Variants in FCAR observed in about 807,000 individuals in gnomAD.
FCAR encodes the protein immunoglobulin alpha Fc receptor.
Under a neutral mutation model 27.1 loss-of-function variants are expected in FCAR, and 21 were observed. The ratio of observed to expected loss-of-function variants is 0.77; its 90% CI spans 0.55 to 1.11. The LOEUF (loss-of-function observed/expected upper bound fraction) is 1.11. FCAR is among the 50% of genes most tolerant of loss of function. The pLI, the probability that FCAR is intolerant of heterozygous loss-of-function variation, is 0.00. For missense variants in FCAR, 404 were observed against 358.4 expected (o/e 1.13, Z -1.03); for synonymous variants, 134 against 135.8 (o/e 0.99, Z 0.09).
chr19:54,876,414 A>G (rs921655430), intron 2 of FCAR, among the ~76,000 whole-genome samples: 4 of 152,240 alleles, frequency 2.6e-5, no homozygotes, highest in African/African-American at 9.6e-5. Flanking sequence ...CCAGTTTTCA[A>G]GGGGAATACT....
chr19:54,874,289 G>A lies in FCAR; in HGVS notation c.-1G>A, dbSNP rs374627353. ...AACGGGGCTGAGGCCGTGTCAGCAC[G>A]ATGGACCCCAAACAGACCACCCTCC... On this transcript the variant is annotated 5_prime_UTR_variant, in exon 1 of 5. Transcript: ENST00000355524. The A allele has an allele frequency of 5.6e-6, 9 of 1,614,148 alleles. No homozygotes were observed. Among genetic ancestry groups the A allele is most frequent in the East Asian group, 4.5e-5 (2 of 44,872 alleles).
intron 2 of FCAR, among the ~76,000 whole-genome samples, chr19:54,883,347 T>C (rs1445234272): frequency 6.6e-6 from 1 of 152,112 alleles, no homozygotes; most frequent in Non-Finnish European, 1.5e-5. Flanking sequence ...CCTCGCCTGG[T>C]CCATTCTTGG....
At chr19:54,876,530 A>T (rs1033032750) in intron 2 of FCAR, among the ~76,000 whole-genome samples, 3 of 152,110 alleles carry the variant, frequency 2.0e-5, no homozygotes, top group African/African-American at 7.2e-5. Flanking sequence ...GAGGTTTTTT[A>T]GCATAAAGGG....
intron 2 of FCAR, among the ~76,000 whole-genome samples, chr19:54,876,645 C>A (rs1294880999): frequency 6.6e-6 from 1 of 152,114 alleles, no homozygotes; most frequent in African/African-American, 2.4e-5. Context: ...ATTGGCCGGG[C>A]ACTGTGGCTC....
chr19:54,875,467 C>A, intron 2 of FCAR, 102 bp downstream of exon 2: 1 of 947,880 alleles, frequency 1.1e-6, no homozygotes, highest in African/African-American at 1.6e-5. Flanking sequence ...TATTTTAATC[C>A]CCATTCTAGT....
chr19:54,884,686 G>A (rs1269213054), intron 2 of FCAR, among the ~76,000 whole-genome samples: 1 of 150,300 alleles, frequency 6.7e-6, no homozygotes, highest in East Asian at 2.0e-4. Context: ...ACTAGATGGG[G>A]GGGAAGAAAG....
chr19:54,874,479 C>G (rs2065983617), intron 1 of FCAR, among the ~76,000 whole-genome samples, 156 bp downstream of exon 1: 2 of 152,164 alleles, frequency 1.3e-5, no homozygotes, highest in African/African-American at 4.8e-5. Context: ...GTATCTATAA[C>G]TTTGTCTCTA....
In FCAR at chr19:54,888,088, C is replaced by T; in HGVS notation, c.443C>T (p.Ser148Leu). Residue 148 changes from serine to leucine, a missense_variant, in exon 4 of 5, where the codon TCA becomes TTA. Coordinates refer to ENST00000355524, the MANE Select transcript of FCAR (RefSeq NM_002000.4). ...GAGAATATTTCCCTCACGTGCAGCT[C>T]AGCACACATCCCATTTGATAGATTT... The part of the protein sequence containing the change: ...PGENISLTCS[S>L]AHIPFDRFSL... 4 of 1,614,104 alleles carry T rather than the reference C, an allele frequency of 2.5e-6. No individual in the cohort carries two copies. The highest frequency in any genetic ancestry group is 3.4e-6 in the Non-Finnish European group (4 of 1,179,970).
chr19:54,877,405 C>A (rs2066155892), intron 2 of FCAR, among the ~76,000 whole-genome samples: 1 of 152,106 alleles, frequency 6.6e-6, no homozygotes, highest in South Asian at 2.1e-4. Flanking sequence ...TCATAATATT[C>A]TCTGATGATT....
intron 3 of FCAR, among the ~76,000 whole-genome samples, chr19:54,887,308 AAAAT>A (rs2145925319): frequency 6.6e-6 from 1 of 151,930 alleles, no homozygotes; most frequent in East Asian, 1.9e-4. Flanking sequence ...GACCCTCTCT[AAAAT>A]AAATAAATTC....
intron 2 of FCAR, among the ~76,000 whole-genome samples, chr19:54,882,813 G>C (rs1474037339): frequency 6.6e-6 from 1 of 152,068 alleles, no homozygotes; most frequent in Non-Finnish European, 1.5e-5. Context: ...CAGTCGCTTG[G>C]CTTCATTTCT....
chr19:54,878,142 C>T (rs1281877017), intron 2 of FCAR, among the ~76,000 whole-genome samples: 1 of 152,172 alleles, frequency 6.6e-6, no homozygotes, highest in African/African-American at 2.4e-5. Context: ...TGGTCTCGAT[C>T]TCCTGACCTC....
chr19:54,890,720 GCCCAGC>G lies in FCAR; in HGVS notation c.*859_*864del, dbSNP rs1005622833. 13 of 152,230 alleles carry G rather than the reference GCCCAGC, an allele frequency of 8.5e-5. No homozygotes were observed. The highest frequency in any genetic ancestry group is 3.4e-3 in the Middle Eastern group (1 of 294). The allele number at this position is 152,230 out of a possible 1,614,324, so 9.4% of individuals were successfully genotyped here. A position where few individuals can be genotyped will look rare whatever the true frequency, so the allele number is the denominator to read the frequency against. ...TGGGATTACAGATGTGAGCCACTGC[GCCCAGC>G]CTTCTTTTTATATTTTTAAATGTGT... On this transcript the variant is annotated 3_prime_UTR_variant, in exon 5 of 5. Coordinates refer to ENST00000355524, the MANE Select transcript of FCAR (RefSeq NM_002000.4).
intron 2 of FCAR, among the ~76,000 whole-genome samples, chr19:54,875,878 C>T (rs941455542): frequency 2.6e-5 from 4 of 152,194 alleles, no homozygotes; most frequent in African/African-American, 4.8e-5. Context: ...GTGAGCCCCA[C>T]GTCCATCCAT....
rs199866890 is a variant in FCAR at position 54,884,813 on chromosome 19, G to T, written c.71-422G>T. On this transcript the variant is annotated intron_variant, in intron 2 of 4. Transcript: ENST00000355524. ...ATTTTTCTCTTTTTTTAATTTTTTT[G>T]TTGTTGTTGTTGAGACGAAGTCTCA... is the stretch of plus-strand genomic sequence containing the variant. Among the ~76,000 whole-genome samples, 710 of 123,698 alleles carry T rather than the reference G, an allele frequency of 5.7e-3. 22 individuals are homozygous for T. The East Asian group carries it at 0.08, about 14-fold the overall frequency. The allele number at this position is 123,698 out of a possible 152,430, so 81.2% of individuals were successfully genotyped here.
At chr19:54,879,440 T>C (rs1394466726) in intron 2 of FCAR, among the ~76,000 whole-genome samples, 3 of 152,226 alleles carry the variant, frequency 2.0e-5, no homozygotes, top group Non-Finnish European at 4.4e-5. Context: ...GCAGGCCTGA[T>C]GGTAATAAAT....
At position 54,890,790 on chromosome 19, in the gene FCAR, T is replaced by C. The variant is rs1339729030; in HGVS notation, c.*927T>C. On this transcript the variant is annotated 3_prime_UTR_variant, in exon 5 of 5. Coordinates refer to ENST00000355524, the MANE Select transcript of FCAR (RefSeq NM_002000.4). ...AAATGGTTGGTAAGCATGCCAAATA[T>C]ATTCAATAACCCCCCTCCTTTATTT... 1 of 152,144 alleles carries C rather than the reference T, an allele frequency of 6.6e-6. No homozygotes were observed. The highest frequency in any genetic ancestry group is 1.5e-5 in the Non-Finnish European group (1 of 68,026). 9.4% of individuals were successfully genotyped at this position (152,144 alleles called of 1,614,324 possible). A position where few individuals can be genotyped will look rare whatever the true frequency, so the allele number is the denominator to read the frequency against.
rs1274014298 is a variant in FCAR, at chr19:54,888,012, T to C, written c.367T>C (p.Tyr123His). ...CTCACTCTTTTCTCTCTTAGGCTTG[T>C]ATGGCAAACCCTTCCTCTCTGCAGA... ...DTLELVVTGL[Y>H]GKPFLSADRG... Residue 123 changes from tyrosine (Y) to histidine (H), a missense_variant, in exon 4 of 5, where the codon TAT becomes CAT. Coordinates refer to ENST00000355524, the MANE Select transcript of FCAR (RefSeq NM_002000.4). 6.2e-7 allele frequency: 1 copy of C among 1,611,176 alleles called. No individual in the cohort carries two copies. The highest frequency in any genetic ancestry group is 8.5e-7 in the Non-Finnish European group (1 of 1,177,906).
rs1166340176 is a variant in FCAR, at chr19:54,888,097, T to A, written c.452T>A (p.Ile151Asn). 2 of 1,614,066 alleles carry A rather than the reference T, an allele frequency of 1.2e-6. No individual in the cohort carries two copies. The highest frequency in any genetic ancestry group is 1.7e-6 in the Non-Finnish European group (2 of 1,179,982). Residue 151 changes from isoleucine to asparagine, a missense_variant, in exon 4 of 5, where the codon ATC becomes AAC. Physicochemically the swap from Ile to Asn is moderately radical, Grantham distance 149. Coordinates refer to ENST00000355524, the MANE Select transcript of FCAR (RefSeq NM_002000.4). Reference sequence around the variant, plus strand: ...TCCCTCACGTGCAGCTCAGCACACATCCCATTTGATAGATTTTCACTGGCC... The same window carrying A: ...TCCCTCACGTGCAGCTCAGCACACAACCCATTTGATAGATTTTCACTGGCC... ...NISLTCSSAHIPFDRFSLAKE... is the reference protein window; with the variant it reads ...NISLTCSSAHNPFDRFSLAKE...
Sources: gnomAD v4.1 joint callset for allele counts (sites outside exome capture counted in the v4.1 genomes callset) on GRCh38, gnomAD v4.1.1 for gene constraint, MANE v1.5 for transcripts, NCBI Gene and HGNC (gene_info 2026-07-23, HGNC 2026-07-21) for gene names.